The following CSTPP1 variants were observed in gnomAD, a reference collection of about 807,000 sequenced individuals.
The protein encoded by CSTPP1 is centriolar satellite-associated tubulin polyglutamylase complex regulator 1.
chr11:47,032,376 A>G, the CSTPP1 span, among the ~76,000 whole-genome samples: 1 of 152,272 alleles, frequency 6.6e-6, no homozygotes, highest in East Asian at 1.9e-4. Flanking sequence ...GCTTAATTAT[A>G]ATCACTTAGT....
At chr11:47,139,210 G>A in the CSTPP1 span, among the ~76,000 whole-genome samples, 3 of 152,022 alleles carry the variant, frequency 2.0e-5, no homozygotes, top group South Asian at 6.2e-4. Flanking sequence ...GGGAGCCTCC[G>A]GCTCTGAAGA....
chr11:47,095,857 T>C, the CSTPP1 span, among the ~76,000 whole-genome samples: 1 of 148,124 alleles, frequency 6.8e-6, no homozygotes, highest in Non-Finnish European at 1.5e-5. Flanking sequence ...CAAAACCTGA[T>C]TTTTTTTGCA....
chr11:47,115,234 G>A, the CSTPP1 span, among the ~76,000 whole-genome samples: 4 of 152,218 alleles, frequency 2.6e-5, no homozygotes, highest in Non-Finnish European at 5.9e-5. Flanking sequence ...TGGTTTGCCA[G>A]TATTTTATTG....
chr11:47,114,644 G>T, the CSTPP1 span, among the ~76,000 whole-genome samples: 3 of 152,114 alleles, frequency 2.0e-5, no homozygotes, highest in African/African-American at 4.8e-5. Context: ...TCTGTTATTG[G>T]TGTATAAGAA....
chr11:47,158,230 G>A, the CSTPP1 span, among the ~76,000 whole-genome samples: 2 of 152,118 alleles, frequency 1.3e-5, no homozygotes, highest in African/African-American at 2.4e-5. Flanking sequence ...CCTGCAGGTC[G>A]GGCAGACACA....
chr11:46,962,876 C>T, the CSTPP1 span, among the ~76,000 whole-genome samples: 1 of 152,042 alleles, frequency 6.6e-6, no homozygotes, highest in Non-Finnish European at 1.5e-5. Context: ...ATCACCTGAA[C>T]CTAGGAAGCT....
the CSTPP1 span, among the ~76,000 whole-genome samples, chr11:47,141,881 C>T: frequency 3.9e-5 from 5 of 127,738 alleles, no homozygotes; most frequent in African/African-American, 6.2e-5. Context: ...TGCAGTGAGC[C>T]GAGATCATGC....
the CSTPP1 span, among the ~76,000 whole-genome samples, chr11:47,103,505 A>G: frequency 5.9e-5 from 9 of 152,166 alleles, no homozygotes; most frequent in South Asian, 1.9e-3. Context: ...GTATTAATAA[A>G]CTTTCATATA....
the CSTPP1 span, among the ~76,000 whole-genome samples, chr11:47,015,243 G>A: frequency 6.6e-6 from 1 of 151,836 alleles, no homozygotes; most frequent in Non-Finnish European, 1.5e-5. Context: ...CCAAGGCAGG[G>A]GGATCGCGAG....
chr11:47,017,404 A>C, the CSTPP1 span, among the ~76,000 whole-genome samples: 1 of 151,850 alleles, frequency 6.6e-6, no homozygotes, highest in South Asian at 2.1e-4. Flanking sequence ...TGAACTGCTG[A>C]CCTCGTGATC....
At chr11:47,122,068 T>TAAAAAAAAAA in the CSTPP1 span, among the ~76,000 whole-genome samples, 1 of 5,286 alleles carries the variant, frequency 1.9e-4, no homozygotes, top group African/African-American at 1.2e-3. Context: ...AGACCCTGTC[T>TAAAAAAAAAA]CAAAAAAAAA....
the CSTPP1 span, among the ~76,000 whole-genome samples, chr11:47,115,893 C>A: frequency 2.0e-5 from 3 of 152,182 alleles, no homozygotes; most frequent in Non-Finnish European, 4.4e-5. Flanking sequence ...TTCTCTAGTT[C>A]TTTTAATTGT....
At chr11:47,079,213 A>G in the CSTPP1 span, among the ~76,000 whole-genome samples, 2 of 152,222 alleles carry the variant, frequency 1.3e-5, no homozygotes, top group Non-Finnish European at 2.9e-5. Context: ...ACAGTTTGAT[A>G]TCAAAAAGAT....
the CSTPP1 span, among the ~76,000 whole-genome samples, chr11:47,085,693 C>T: frequency 1.3e-5 from 2 of 151,766 alleles, no homozygotes; most frequent in African/African-American, 2.4e-5. Flanking sequence ...AGTTCGAGAC[C>T]AGCCTGGCTA....
the CSTPP1 span, chr11:47,138,170 G>A: frequency 7.0e-5 from 12 of 171,936 alleles, no homozygotes; most frequent in Non-Finnish European, 1.5e-4. Flanking sequence ...ACTTACAATC[G>A]TGGTGGAAGG....
At chr11:47,010,182 C>T in the CSTPP1 span, among the ~76,000 whole-genome samples, 7 of 152,026 alleles carry the variant, frequency 4.6e-5, no homozygotes, top group Admixed American at 2.6e-4. Flanking sequence ...CTCCGGGAAG[C>T]GAAGACTACT....
chr11:46,949,446 T>C, the CSTPP1 span, among the ~76,000 whole-genome samples: 1 of 152,200 alleles, frequency 6.6e-6, no homozygotes, highest in South Asian at 2.1e-4. Flanking sequence ...CCTTGCCTTT[T>C]TTCTTTTCAA....
the CSTPP1 span, among the ~76,000 whole-genome samples, chr11:47,046,742 C>G: frequency 1.5e-5 from 2 of 135,556 alleles, no homozygotes; most frequent in Non-Finnish European, 3.1e-5. Flanking sequence ...TCTCGGCTCA[C>G]TGCAACCTCC....
At chr11:47,139,654 A>G in the CSTPP1 span, among the ~76,000 whole-genome samples, 1 of 151,242 alleles carries the variant, frequency 6.6e-6, no homozygotes, top group South Asian at 2.1e-4. Context: ...CATGGGGGAC[A>G]GAGTGAGACT....
Sources: allele counts gnomAD v4.1 joint callset (sites outside exome capture counted in the v4.1 genomes callset), GRCh38; gene constraint gnomAD v4.1.1; transcripts MANE v1.5; gene names NCBI Gene and HGNC (gene_info 2026-07-23, HGNC 2026-07-21).